The following PHF21B variants were observed in gnomAD, a reference collection of about 807,000 sequenced individuals.
The protein encoded by PHF21B is PHD finger protein 4.
Under a neutral mutation model 62.2 loss-of-function variants are expected in PHF21B, and 22 were observed. The observed-to-expected ratio is 0.35, with a 90% CI of 0.25 to 0.51. PHF21B has a LOEUF of 0.51. Ranked by LOEUF, PHF21B falls within the 20% of genes least tolerant of loss-of-function variation. PHF21B has a pLI of 0.97. For missense variants in PHF21B, 701 were observed against 707.9 expected, an observed-to-expected ratio of 0.99 and a Z score of 0.11; for synonymous variants, 341 against 314.7, an observed-to-expected ratio of 1.08 and a Z score of -0.88.
At chr22:45,008,868 C>A in intron 1 of PHF21B, 1 of 1,179,672 alleles carries the variant, frequency 8.5e-7, no homozygotes, top group Non-Finnish European at 1.0e-6. Flanking sequence ...GCGCCCCGAG[C>A]CGTGCAAGTT....
At chr22:45,006,769 T>C (rs1039600898) in intron 2 of PHF21B, among the ~76,000 whole-genome samples, 2 of 152,126 alleles carry the variant, frequency 1.3e-5, no homozygotes, top group Non-Finnish European at 2.9e-5. Flanking sequence ...TCTAGGAGCG[T>C]ACGAGTCAAC....
At chr22:44,994,531 T>C (rs2073090113) in intron 2 of PHF21B, among the ~76,000 whole-genome samples, 1 of 152,230 alleles carries the variant, frequency 6.6e-6, no homozygotes, top group Non-Finnish European at 1.5e-5. Context: ...CCTCCAGAAC[T>C]GTGAGAGAAT....
intron 2 of PHF21B, among the ~76,000 whole-genome samples, chr22:44,999,353 A>AC (rs938363068): frequency 3.0e-4 from 45 of 151,580 alleles, no homozygotes; most frequent in Non-Finnish European, 6.2e-4. Flanking sequence ...GGAGGAGGAA[A>AC]CCCCCCAGCT....
At chr22:44,936,700 G>T (rs530120856) in intron 2 of PHF21B, among the ~76,000 whole-genome samples, 94 of 152,102 alleles carry the variant, frequency 6.2e-4, no homozygotes, top group Non-Finnish European at 1.0e-3. Flanking sequence ...TTATTAAAAT[G>T]ATTTTCACCC....
intron 2 of PHF21B, among the ~76,000 whole-genome samples, chr22:44,953,734 C>A (rs2072239338): frequency 1.3e-5 from 2 of 152,174 alleles, no homozygotes; most frequent in African/African-American, 4.8e-5. Context: ...CCCAAATGCA[C>A]CCATTAGTAT....
chr22:44,997,493 A>G (rs775379896), intron 2 of PHF21B, among the ~76,000 whole-genome samples: 3 of 152,122 alleles, frequency 2.0e-5, no homozygotes, highest in South Asian at 2.1e-4. Flanking sequence ...AGTTTAACAA[A>G]TAATTCCGGC....
Position 44,883,245 on chromosome 22 carries a change from C to A in PHF21B, c.1437G>T (p.Leu479=). The A allele has an allele frequency of 6.2e-7, 1 of 1,613,972 alleles. No individual in the cohort carries two copies. The highest frequency in any genetic ancestry group is 8.5e-7 in the Non-Finnish European group (1 of 1,179,982). The change falls in exon 13 of 13, where the codon CTG becomes CTT. Residue 479 remains leucine, a synonymous_variant. Coordinates refer to ENST00000313237, the MANE Select transcript of PHF21B (RefSeq NM_138415.5). ...LARQRGTQSS[L]DRLRALLRLI... is the part of the protein sequence containing the mutation. ...GTCTCAGGAGGGCCCGCAGGCGGTC[C>A]AGGGATGACTGGGTGCCCCTCTGGC...
At position 44,926,339 on chromosome 22, in the gene PHF21B, G is replaced by A. The variant is rs1426439089; in HGVS notation, c.121-5849C>T. ...GTGTGCATGAGGGGCAGGCCGTGGG[G>A]CCCCGGGGAGGAGAAATTTCCACAT... On this transcript the variant is annotated intron_variant, in intron 2 of 12. Transcript: ENST00000313237. Among the ~76,000 whole-genome samples, 6 of 152,368 alleles carry A rather than the reference G, an allele frequency of 3.9e-5. No homozygotes were observed. The South Asian group carries it at 6.2e-4, about 16-fold the overall frequency.
intron 2 of PHF21B, chr22:44,968,870 T>C (rs953316194): frequency 6.6e-6 from 1 of 152,198 alleles, no homozygotes; most frequent in Non-Finnish European, 1.5e-5. Context: ...AGAGGAATAC[T>C]CAACCTGTCC....
rs1186496347 is a variant in PHF21B at position 44,882,796 on chromosome 22, G to A, written c.*290C>T. On this transcript the variant is annotated 3_prime_UTR_variant, in exon 13 of 13. Coordinates refer to ENST00000313237, the MANE Select transcript of PHF21B (RefSeq NM_138415.5). ...AGGCCGTGGAGAGCAGGGCCTGGAAGCCAGAGGCCCAGGCAGCCCCGAGGT... is the reference window on the plus strand; with the variant it reads ...AGGCCGTGGAGAGCAGGGCCTGGAAACCAGAGGCCCAGGCAGCCCCGAGGT... 6.3e-5 allele frequency: 23 copies of A among 363,358 alleles called. No individual in the cohort carries two copies. The East Asian group carries it at 1.2e-3, about 19-fold the overall frequency. The allele number at this position is 363,358 out of a possible 1,614,324, so 22.5% of individuals were successfully genotyped here. A position where few individuals can be genotyped will look rare whatever the true frequency, so the allele number is the denominator to read the frequency against.
At chr22:45,004,416 C>G (rs1477421157) in intron 2 of PHF21B, among the ~76,000 whole-genome samples, 1 of 152,174 alleles carries the variant, frequency 6.6e-6, no homozygotes, top group Non-Finnish European at 1.5e-5. Context: ...GAAGGCCACA[C>G]AGGTGGTAGC....
chr22:45,007,556 G>A (rs1247955439), intron 2 of PHF21B, among the ~76,000 whole-genome samples: 1 of 61,576 alleles, frequency 1.6e-5, no homozygotes, highest in Non-Finnish European at 3.8e-5. Context: ...GGCGGGGGCG[G>A]GGCGCGAAGG....
At chr22:44,937,778 C>T (rs372724938) in intron 2 of PHF21B, among the ~76,000 whole-genome samples, 1 of 152,234 alleles carries the variant, frequency 6.6e-6, no homozygotes, top group African/African-American at 2.4e-5. Context: ...CGAATACTCT[C>T]GATGACACGG....
Position 44,914,027 on chromosome 22 carries a change from G to C in PHF21B, c.626C>G (p.Ser209Cys), listed in dbSNP as rs764570248. The change falls in exon 5 of 13, where the codon TCC becomes TGC. Residue 209 changes from serine to cysteine, a missense_variant. Coordinates refer to ENST00000313237, the MANE Select transcript of PHF21B (RefSeq NM_138415.5). Reference sequence around the variant, plus strand: ...GGAGGGAGGGGTGAGGGGAAGAGAGGAGGGGTGGAGGGGACAGTGATGGGT... The same window carrying C: ...GGAGGGAGGGGTGAGGGGAAGAGAGCAGGGGTGGAGGGGACAGTGATGGGT... ...PATHHCPLHP[S>C]SLPLTPPSPS... 1 of 1,346,444 alleles carries C rather than the reference G, an allele frequency of 7.4e-7. No individual in the cohort carries two copies. Among genetic ancestry groups the C allele is most frequent in the Non-Finnish European group, 1.1e-6 (1 of 948,064 alleles). 83.4% of individuals were successfully genotyped at this position (1,346,444 alleles called of 1,614,324 possible).
chr22:44,963,334 G>A (rs535275365), intron 2 of PHF21B, among the ~76,000 whole-genome samples: 34 of 152,390 alleles, frequency 2.2e-4, no homozygotes, highest in Non-Finnish European at 4.1e-4. Flanking sequence ...GGTTAGGGAG[G>A]ATGACCCACC....
At chr22:44,961,544 G>C (rs568180428) in intron 2 of PHF21B, among the ~76,000 whole-genome samples, 1 of 152,180 alleles carries the variant, frequency 6.6e-6, no homozygotes, top group East Asian at 1.9e-4. Flanking sequence ...TATTTGCTTA[G>C]GATAATGGCC....
Position 44,918,302 on chromosome 22 carries a change from A to G in PHF21B, c.214-1672T>C, listed in dbSNP as rs79679278. 2.1e-3 allele frequency among the ~76,000 whole-genome samples: 327 copies of G among 152,316 alleles called. 1 individual carries two copies. Among genetic ancestry groups the G allele is most frequent in the African/African-American group, 7.7e-3 (319 of 41,570 alleles). ...CTGGTCGATCATCTGGGGTTTGCCCACATGTTCTTGTTGACCCTGGCCGCC... is the reference window on the plus strand; with the variant it reads ...CTGGTCGATCATCTGGGGTTTGCCCGCATGTTCTTGTTGACCCTGGCCGCC... On this transcript the variant is annotated intron_variant, in intron 3 of 12. Transcript: ENST00000313237.
At chr22:44,986,847 C>T (rs1486762113) in intron 2 of PHF21B, among the ~76,000 whole-genome samples, 26 of 139,634 alleles carry the variant, frequency 1.9e-4, no homozygotes, top group African/African-American at 6.8e-4. Flanking sequence ...CAGGTGCAGG[C>T]GGGGTCCTGG....
At chr22:44,896,682 A>T (rs963243037) in intron 5 of PHF21B, among the ~76,000 whole-genome samples, 1 of 152,158 alleles carries the variant, frequency 6.6e-6, no homozygotes, top group African/African-American at 2.4e-5. Flanking sequence ...CACTTGACCC[A>T]TAAGTTGCAT....
Sources: gnomAD v4.1 joint callset for allele counts (sites outside exome capture counted in the v4.1 genomes callset) on GRCh38, gnomAD v4.1.1 for gene constraint, MANE v1.5 for transcripts, NCBI Gene and HGNC (gene_info 2026-07-23, HGNC 2026-07-21) for gene names.